MAMDC2: variants seen among roughly 807,000 people sequenced by gnomAD.
MAMDC2 encodes the protein MAM domain containing 2.
Under a neutral mutation model 89.8 loss-of-function variants are expected in MAMDC2, and 57 were observed. The ratio of observed to expected loss-of-function variants is 0.63; its 90% CI spans 0.51 to 0.79. The LOEUF (loss-of-function observed/expected upper bound fraction) is 0.79, where lower values mean the gene tolerates loss of function less well. Among genes scored for constraint, MAMDC2 ranks in the 30% least tolerant of loss-of-function variants. The pLI is 0.00. For synonymous variants in MAMDC2, 313 were observed against 293.4 expected (o/e 1.07, Z -0.68); for missense variants, 800 against 820.6 (o/e 0.97, Z 0.31).
At chr9:70,193,481 G>A (rs1024829101) in intron 11 of MAMDC2, among the ~76,000 whole-genome samples, 2 of 152,080 alleles carry the variant, frequency 1.3e-5, no homozygotes. Flanking sequence ...GCAACAAGAA[G>A]CTTGCCTGTA....
Position 70,098,597 on chromosome 9 carries a change from C to T in MAMDC2, c.149-9614C>T, listed in dbSNP as rs138313930. Among the ~76,000 whole-genome samples the T allele has an allele frequency of 4.0e-3, 606 of 152,118 alleles. 6 individuals carry two copies. Among genetic ancestry groups the T allele is most frequent in the African/African-American group, 0.014 (573 of 41,508 alleles). ...TTTGTGGAGAAGCCCAAATGAAAGTCCATATAGATTTATCCATACCTTCAG... is the reference window on the plus strand; with the variant it reads ...TTTGTGGAGAAGCCCAAATGAAAGTTCATATAGATTTATCCATACCTTCAG... On this transcript the variant is annotated intron_variant, in intron 2 of 13. Coordinates refer to ENST00000377182, the MANE Select transcript of MAMDC2 (RefSeq NM_153267.5).
intron 6 of MAMDC2, among the ~76,000 whole-genome samples, chr9:70,130,744 G>A (rs924363545): frequency 2.6e-5 from 4 of 151,932 alleles, no homozygotes; most frequent in African/African-American, 9.7e-5. Flanking sequence ...CTTAGAGGGT[G>A]TTTGCTCCTG....
rs556315664 is a variant in MAMDC2, at chr9:70,150,540, T to C, written c.1404+6721T>C. 2.0e-5 allele frequency among the ~76,000 whole-genome samples: 3 copies of C among 152,324 alleles called. No individual in the cohort carries two copies. The South Asian group carries it at 6.2e-4, about 32-fold the overall frequency. On this transcript the variant is annotated intron_variant, in intron 9 of 13. Transcript: ENST00000377182. ...ACAAGCTGGCTGTTTATCAAGTACC[T>C]ACTTTGTGCTGGGCAGCACATGCTC...
chr9:70,193,842 C>T (rs10125117), intron 11 of MAMDC2, among the ~76,000 whole-genome samples: 119,134 of 151,944 alleles, frequency 0.78, 46,845 homozygotes, highest in Admixed American at 0.83. Flanking sequence ...TCTGCCTTTT[C>T]ACTTCCCATT....
chr9:70,066,276 G>T (rs755992911), intron 2 of MAMDC2, among the ~76,000 whole-genome samples: 1 of 152,114 alleles, frequency 6.6e-6, no homozygotes, highest in East Asian at 1.9e-4. Flanking sequence ...GAAAGGGGGT[G>T]CTTGGTGAAT....
intron 11 of MAMDC2, among the ~76,000 whole-genome samples, chr9:70,199,076 C>T (rs1358534585): frequency 6.8e-5 from 10 of 147,830 alleles, no homozygotes; most frequent in African/African-American, 2.5e-4. Context: ...TTTTATTATA[C>T]TTTAAGTTTT....
chr9:70,178,949 C>G (rs1342680450), intron 11 of MAMDC2, among the ~76,000 whole-genome samples: 1 of 152,088 alleles, frequency 6.6e-6, no homozygotes, highest in African/African-American at 2.4e-5. Flanking sequence ...AGTGACTAGG[C>G]TGGCATGTAG....
chr9:70,123,322 G>A lies in MAMDC2; in HGVS notation c.644-2837G>A, dbSNP rs189150457. Among the ~76,000 whole-genome samples, 11 of 152,258 alleles carry A rather than the reference G, an allele frequency of 7.2e-5. No individual in the cohort carries two copies. The East Asian group carries it at 1.4e-3, about 19-fold the overall frequency. ...CATTCTCCACTACTAGAATGTTCTC[G>A]TCAAGGCTTGCTGGCCACCAGGAGT... On this transcript the variant is annotated intron_variant, in intron 5 of 13. Transcript: ENST00000377182.
intron 7 of MAMDC2, among the ~76,000 whole-genome samples, chr9:70,139,342 A>G (rs1250373971): frequency 7.4e-6 from 1 of 135,398 alleles, no homozygotes; most frequent in Non-Finnish European, 1.5e-5. Flanking sequence ...TCATTGTTCA[A>G]TTCCCACCTA....
intron 9 of MAMDC2, among the ~76,000 whole-genome samples, chr9:70,162,007 G>T (rs901717328): frequency 6.6e-6 from 1 of 152,106 alleles, no homozygotes; most frequent in Non-Finnish European, 1.5e-5. Flanking sequence ...TGTGAAAATG[G>T]GTAAGTTATG....
Position 70,076,420 on chromosome 9 carries a change from C to A in MAMDC2, c.148+31723C>A, listed in dbSNP as rs74395252. Among the ~76,000 whole-genome samples, 516 of 124,664 alleles carry A rather than the reference C, an allele frequency of 4.1e-3. 1 individual carries two copies. Among genetic ancestry groups the A allele is most frequent in the African/African-American group, 0.013 (431 of 33,492 alleles). 81.8% of individuals were successfully genotyped at this position (124,664 alleles called of 152,430 possible). A position where few individuals can be genotyped will look rare whatever the true frequency, so the allele number is the denominator to read the frequency against. ...TGGGCAATAGCATGAGACTCTGCCT[C>A]AAAAAAAAAAAAAAATTAATGGCGG... On this transcript the variant is annotated intron_variant, in intron 2 of 13. Transcript: ENST00000377182.
intron 2 of MAMDC2, among the ~76,000 whole-genome samples, chr9:70,057,621 C>T (rs6559939): frequency 0.49 from 75,037 of 152,044 alleles, 21,626 homozygotes; most frequent in Non-Finnish European, 0.63. Flanking sequence ...CATTTATGAG[C>T]GATCTCTTGC....
intron 11 of MAMDC2, among the ~76,000 whole-genome samples, chr9:70,183,082 T>C (rs1286416894): frequency 6.6e-6 from 1 of 152,214 alleles, no homozygotes; most frequent in African/African-American, 2.4e-5. Flanking sequence ...CACATCTTTA[T>C]TTCTGCTTTC....
chr9:70,080,808 C>G (rs1003549653), intron 2 of MAMDC2, among the ~76,000 whole-genome samples: 1 of 152,176 alleles, frequency 6.6e-6, no homozygotes, highest in Admixed American at 6.6e-5. Flanking sequence ...AATCCCCAAA[C>G]AGGTCTAGTT....
At chr9:70,076,239 A>G (rs1827529348) in intron 2 of MAMDC2, among the ~76,000 whole-genome samples, 1 of 152,128 alleles carries the variant, frequency 6.6e-6, no homozygotes, top group Admixed American at 6.5e-5. Context: ...TAGCCAACAT[A>G]GCAAAACCCC....
At chr9:70,213,307 T>C (rs1475494590) in intron 11 of MAMDC2, among the ~76,000 whole-genome samples, 1 of 152,210 alleles carries the variant, frequency 6.6e-6, no homozygotes, top group East Asian at 1.9e-4. Context: ...CTTTTTCCCC[T>C]CATTGAGAAT....
intron 11 of MAMDC2, among the ~76,000 whole-genome samples, chr9:70,198,616 C>G (rs528038660): frequency 6.6e-6 from 1 of 152,184 alleles, no homozygotes; most frequent in African/African-American, 2.4e-5. Context: ...TCCTACTATT[C>G]CAGAAAAGCA....
At position 70,044,062 on chromosome 9, in the gene MAMDC2, A is replaced by G; in HGVS notation, c.-136A>G. 1 of 1,035,982 alleles carries G rather than the reference A, an allele frequency of 9.7e-7. No homozygotes were observed. The highest frequency in any genetic ancestry group is 1.4e-6 in the Non-Finnish European group (1 of 692,216). 64.2% of individuals were successfully genotyped at this position (1,035,982 alleles called of 1,614,324 possible). A position where few individuals can be genotyped will look rare whatever the true frequency, so the allele number is the denominator to read the frequency against. ...TGCAAAGTTGGGCAGCTCAGAGCGC[A>G]AGCTTTGCCTCTCGACTTCTCCCTC... On this transcript the variant is annotated 5_prime_UTR_variant, in exon 1 of 14. Transcript: ENST00000377182.
intron 2 of MAMDC2, among the ~76,000 whole-genome samples, chr9:70,096,428 C>T (rs1389453373): frequency 6.6e-6 from 1 of 152,180 alleles, no homozygotes; most frequent in Non-Finnish European, 1.5e-5. Flanking sequence ...CCATCGCATG[C>T]ACACTTCAGA....
Sources: allele counts gnomAD v4.1 joint callset (sites outside exome capture counted in the v4.1 genomes callset), GRCh38; gene constraint gnomAD v4.1.1; transcripts MANE v1.5; gene names NCBI Gene and HGNC (gene_info 2026-07-23, HGNC 2026-07-21).